The following KCNMA1 variants were observed in gnomAD, a reference collection of about 807,000 sequenced individuals.
KCNMA1 encodes the protein potassium calcium-activated channel subfamily M alpha 1.
A neutral mutation model predicts 140.0 loss-of-function variants in KCNMA1; 29 were observed. That is an observed-to-expected ratio of 0.21 (90% CI 0.15 to 0.28). KCNMA1 has a LOEUF of 0.28. Among genes scored for constraint, KCNMA1 ranks in the 10% least tolerant of loss-of-function variants. The pLI, the probability that KCNMA1 is intolerant of heterozygous loss-of-function variation, is 1.00. For missense variants in KCNMA1, 880 were observed against 1,602.2 expected, an observed-to-expected ratio of 0.55 and a Z score of 7.70; for synonymous variants, 612 against 611.9, an observed-to-expected ratio of 1.00 and a Z score of 0.00.
chr10:77,248,830 T>C (rs545461408), intron 3 of KCNMA1, among the ~76,000 whole-genome samples: 3 of 152,270 alleles, frequency 2.0e-5, no homozygotes, highest in African/African-American at 7.2e-5. Context: ...GATTCTACAC[T>C]AATTCTCTCC....
chr10:77,610,819 G>A (rs982511035), intron 1 of KCNMA1, among the ~76,000 whole-genome samples: 27 of 152,154 alleles, frequency 1.8e-4, no homozygotes, highest in South Asian at 2.1e-4. Flanking sequence ...ACAACTTTGC[G>A]AATAAGCTAA....
At chr10:77,418,775 C>A (rs1478927980) in intron 1 of KCNMA1, among the ~76,000 whole-genome samples, 1 of 152,174 alleles carries the variant, frequency 6.6e-6, no homozygotes, top group African/African-American at 2.4e-5. Flanking sequence ...CTACTTGCAA[C>A]ACACCCAGTA....
At chr10:77,389,542 G>A (rs117833113) in intron 2 of KCNMA1, among the ~76,000 whole-genome samples, 1,725 of 152,208 alleles carry the variant, frequency 0.011, 7 homozygotes, top group Middle Eastern at 0.034. Flanking sequence ...AATTGGAAAG[G>A]AGGCTCTTCC....
chr10:77,019,380 T>C, intron 16 of KCNMA1: 1 of 394,690 alleles, frequency 2.5e-6, no homozygotes, highest in East Asian at 4.7e-5. Context: ...AATGGAGCAG[T>C]CTAGCTGCCA....
intron 1 of KCNMA1, among the ~76,000 whole-genome samples, chr10:77,487,815 AC>A (rs1343399779): frequency 1.3e-5 from 2 of 152,178 alleles, no homozygotes; most frequent in Non-Finnish European, 2.9e-5. Flanking sequence ...ATGGCCCTGG[AC>A]CTGCAACATC....
intron 23 of KCNMA1, chr10:76,930,381 T>A (rs1415064574): frequency 1.3e-5 from 2 of 152,150 alleles, no homozygotes; most frequent in Admixed American, 1.3e-4. Flanking sequence ...GAAAAGGTGC[T>A]CAATATCACT....
In KCNMA1 at chr10:77,572,585, T is replaced by TAC. The variant is rs1429904920; in HGVS notation, c.378+64679_378+64680insGT. ...AAAAAAATCCATATATATATATATA[T>TAC]ATATATATATATATATATAAATTAG... On this transcript the variant is annotated intron_variant, in intron 1 of 27. Transcript: ENST00000286628. Among the ~76,000 whole-genome samples the TAC allele has an allele frequency of 3.3e-5, 3 of 91,680 alleles. 1 individual carries two copies. The East Asian group carries it at 7.9e-4, about 24-fold the overall frequency. The allele number at this position is 91,680 out of a possible 152,430, so 60.1% of individuals were successfully genotyped here.
intron 2 of KCNMA1, among the ~76,000 whole-genome samples, chr10:77,376,006 C>T (rs1253992174): frequency 6.6e-6 from 1 of 152,220 alleles, no homozygotes; most frequent in Non-Finnish European, 1.5e-5. Context: ...TCCAAGAACC[C>T]TACCTGCAAT....
At chr10:77,107,172 C>A (rs578246313) in intron 9 of KCNMA1, among the ~76,000 whole-genome samples, 1 of 152,172 alleles carries the variant, frequency 6.6e-6, no homozygotes, top group Admixed American at 6.5e-5. Context: ...AAATACAATG[C>A]TCCCAGTCTG....
intron 20 of KCNMA1, among the ~76,000 whole-genome samples, chr10:76,954,186 C>T (rs1296307221): frequency 6.6e-6 from 1 of 152,050 alleles, no homozygotes; most frequent in East Asian, 1.9e-4. Flanking sequence ...GTCTTCCTAA[C>T]ATTTTGTGGA....
At chr10:77,474,562 G>A (rs543465249) in intron 1 of KCNMA1, among the ~76,000 whole-genome samples, 25 of 152,236 alleles carry the variant, frequency 1.6e-4, no homozygotes, top group South Asian at 6.2e-4. Flanking sequence ...CCACCCAGGC[G>A]ATGGTCCTTT....
intron 24 of KCNMA1, chr10:76,914,434 G>A (rs1395081892): frequency 2.1e-6 from 1 of 482,478 alleles, no homozygotes; most frequent in African/African-American, 1.9e-5. Context: ...TTTTGGCTGA[G>A]ATATTCAACT....
chr10:77,035,747 T>C (rs61868795), intron 15 of KCNMA1, among the ~76,000 whole-genome samples: 9,115 of 152,220 alleles, frequency 0.06, 386 homozygotes, highest in Non-Finnish European at 0.09. Context: ...TCTTTCTAAG[T>C]GCTTCTATTA....
chr10:77,401,153 A>ATTT (rs34524709), intron 2 of KCNMA1, among the ~76,000 whole-genome samples: 1 of 144,042 alleles, frequency 6.9e-6, no homozygotes, highest in Non-Finnish European at 1.5e-5. Flanking sequence ...TCAAAAATTC[A>ATTT]TTTTTTTTTT....
intron 20 of KCNMA1, among the ~76,000 whole-genome samples, chr10:76,963,535 C>A (rs2072571679): frequency 6.6e-6 from 1 of 152,144 alleles, no homozygotes; most frequent in Non-Finnish European, 1.5e-5. Flanking sequence ...TTCAGCAAAG[C>A]CAGGACTACA....
intron 1 of KCNMA1, among the ~76,000 whole-genome samples, chr10:77,459,080 T>C (rs931086248): frequency 9.9e-5 from 15 of 152,206 alleles, no homozygotes; most frequent in Non-Finnish European, 1.8e-4. Context: ...GGGTATTTGC[T>C]GCAGGCACTT....
chr10:77,382,938 A>G (rs2095456470), intron 2 of KCNMA1, among the ~76,000 whole-genome samples: 1 of 141,128 alleles, frequency 7.1e-6, no homozygotes, highest in Non-Finnish European at 1.5e-5. Context: ...ATATACATAT[A>G]TACACATATA....
chr10:77,284,205 T>C (rs2069806347), intron 2 of KCNMA1, among the ~76,000 whole-genome samples: 1 of 152,064 alleles, frequency 6.6e-6, no homozygotes, highest in South Asian at 2.1e-4. Context: ...GTGATAGGCA[T>C]GACCAGAAGA....
chr10:77,537,332 C>A (rs1398185390), intron 1 of KCNMA1, among the ~76,000 whole-genome samples: 2 of 152,186 alleles, frequency 1.3e-5, no homozygotes, highest in African/African-American at 4.8e-5. Context: ...ACACATTCTT[C>A]AGCCACAAGA....
Sources: gnomAD v4.1 joint callset for allele counts (sites outside exome capture counted in the v4.1 genomes callset) on GRCh38, gnomAD v4.1.1 for gene constraint, MANE v1.5 for transcripts, NCBI Gene and HGNC (gene_info 2026-07-23, HGNC 2026-07-21) for gene names.